Variants in HDHD5 observed in about 807,000 individuals in gnomAD.
HDHD5 encodes haloacid dehalogenase like hydrolase domain containing 5, also known as haloacid dehalogenase-like hydrolase domain-containing 5.
HDHD5 carries 34 observed loss-of-function variants against 35.5 expected under a neutral mutation model. The observed-to-expected ratio is 0.96, with a 90% CI of 0.73 to 1.28. The LOEUF (loss-of-function observed/expected upper bound fraction) is 1.28. Among genes scored for constraint, HDHD5 ranks in the 50% most tolerant of loss-of-function variants. The pLI, the probability that HDHD5 is intolerant of heterozygous loss-of-function variation, is 0.00. For synonymous variants in HDHD5, 248 were observed against 240.6 expected (o/e 1.03, Z -0.29); for missense variants, 589 against 560.2 (o/e 1.05, Z -0.52).
Position 17,159,161 on chromosome 22 carries a change from G to A in HDHD5, c.91C>T (p.Pro31Ser). Reference protein sequence around the residue: ...ARAAAGLQGRPARRCYAVGPA... With the variant: ...ARAAAGLQGRSARRCYAVGPA... The stretch of plus-strand genomic sequence containing the variant: ...CCCACAGCATAGCACCTGCGGGCGG[G>A]GCGGCCCTGGAGCCCCGCAGCCGCG... The change falls in exon 1 of 8, where the codon CCC becomes TCC. Residue 31 changes from proline (P) to serine (S), a missense_variant. Transcript: ENST00000336737. The A allele has an allele frequency of 1.6e-6, 2 of 1,221,434 alleles. No homozygotes were observed. Among genetic ancestry groups the A allele is most frequent in the South Asian group, 8.2e-5 (2 of 24,434 alleles). The allele number at this position is 1,221,434 out of a possible 1,614,324, so 75.7% of individuals were successfully genotyped here.
chr22:17,142,966 G>C, intron 5 of HDHD5, 132 bp downstream of exon 5: 2 of 850,070 alleles, frequency 2.4e-6, no homozygotes, highest in East Asian at 2.8e-5. Flanking sequence ...ATCCAGACCA[G>C]AGCCCAGGTG....
chr22:17,148,408 T>C, intron 3 of HDHD5, 40 bp downstream of exon 3: 2 of 1,527,434 alleles, frequency 1.3e-6, no homozygotes, highest in Non-Finnish European at 1.8e-6. Flanking sequence ...ACCTCAGCCC[T>C]GCCCCTTCCC....
rs2061839595 is a variant in HDHD5 at position 17,159,186 on chromosome 22, G to C, written c.66C>G (p.Arg22=). The C allele has an allele frequency of 8.2e-7, 1 of 1,213,856 alleles. No homozygotes were observed. Among genetic ancestry groups the C allele is most frequent in the African/African-American group, 1.6e-5 (1 of 63,236 alleles). The allele number at this position is 1,213,856 out of a possible 1,614,324, so 75.2% of individuals were successfully genotyped here. ...AARGLCWRAA[R]AAAGLQGRPA... Reference sequence around the variant, plus strand: ...GGCGGCCCTGGAGCCCCGCAGCCGCGCGCGCCGCCCGCCAGCAAAGCCCAC... The same window carrying C: ...GGCGGCCCTGGAGCCCCGCAGCCGCCCGCGCCGCCCGCCAGCAAAGCCCAC... Residue 22 remains arginine (R), a synonymous_variant, in exon 1 of 8, where the codon CGC becomes CGG. Transcript: ENST00000336737.
intron 1 of HDHD5, among the ~76,000 whole-genome samples, chr22:17,156,639 G>C (rs1270327482): frequency 1.3e-5 from 2 of 152,096 alleles, no homozygotes; most frequent in Non-Finnish European, 2.9e-5. Context: ...AGCCAGGCGT[G>C]GTGGCAGGCA....
upstream of HDHD5, among the ~76,000 whole-genome samples, chr22:17,163,957 T>C (rs1307284154): frequency 6.6e-6 from 1 of 152,246 alleles, no homozygotes; most frequent in African/African-American, 2.4e-5. Flanking sequence ...CCAGGCACGG[T>C]GGCCTGTAAT....
At chr22:17,138,440 G>C (rs2061560251) in intron 7 of HDHD5, 83 bp from the exon 8 acceptor site, 12 of 1,552,658 alleles carry the variant, frequency 7.7e-6, no homozygotes, top group Non-Finnish European at 1.0e-5. Flanking sequence ...GCAGAGAAGA[G>C]TTTCGGGGCA....
upstream of HDHD5, among the ~76,000 whole-genome samples, chr22:17,161,366 CTGG>C (rs2061862836): frequency 6.6e-6 from 1 of 151,702 alleles, no homozygotes; most frequent in Non-Finnish European, 1.5e-5. Flanking sequence ...CGTGACCAGC[CTGG>C]CCAACATGGT....
chr22:17,137,915 G>T lies in HDHD5; in HGVS notation c.*106C>A. On this transcript the variant is annotated 3_prime_UTR_variant, in exon 8 of 8. Coordinates refer to ENST00000336737, the MANE Select transcript of HDHD5 (RefSeq NM_033070.3). ...CACTCATGGGGCAGCAAGAAGGGTG[G>T]CAAGGGAACCAAGCCCTGACCTGAG... The T allele has an allele frequency of 1.1e-6, 1 of 878,190 alleles. No individual in the cohort carries two copies. The highest frequency in any genetic ancestry group is 1.7e-6 in the Non-Finnish European group (1 of 576,810). The allele number at this position is 878,190 out of a possible 1,614,324, so 54.4% of individuals were successfully genotyped here.
upstream of HDHD5, among the ~76,000 whole-genome samples, chr22:17,161,245 CA>C (rs574657476): frequency 1.7e-3 from 183 of 105,296 alleles, no homozygotes; most frequent in Middle Eastern, 6.0e-3. Context: ...GACTCTATCT[CA>C]AAAAAAAAAA....
chr22:17,147,392 C>T (rs35178380), intron 3 of HDHD5, among the ~76,000 whole-genome samples: 1 of 124,918 alleles, frequency 8.0e-6, no homozygotes. Context: ...CGATCACATG[C>T]CATCGCACAC....
chr22:17,141,677 C>T, intron 5 of HDHD5: 1 of 938,972 alleles, frequency 1.1e-6, no homozygotes, highest in African/African-American at 1.8e-5. Context: ...GAAACCCAAC[C>T]TGGACTCCAC....
chr22:17,162,845 T>G (rs1368719584), upstream of HDHD5, among the ~76,000 whole-genome samples: 2 of 152,236 alleles, frequency 1.3e-5, no homozygotes, highest in Non-Finnish European at 2.9e-5. Context: ...GGAGCACATA[T>G]TCTGCCACCC....
chr22:17,162,371 G>A (rs1425127169), upstream of HDHD5, among the ~76,000 whole-genome samples: 1 of 152,218 alleles, frequency 6.6e-6, no homozygotes, highest in Admixed American at 6.5e-5. Flanking sequence ...TAATATTCTT[G>A]GTGATCAGGA....
rs1325316285 is a variant in HDHD5 at position 17,138,263 on chromosome 22, C to G, written c.1030G>C (p.Gly344Arg). 1 of 1,614,204 alleles carries G rather than the reference C, an allele frequency of 6.2e-7. No homozygotes were observed. The highest frequency in any genetic ancestry group is 1.7e-5 in the Admixed American group (1 of 60,034). The change falls in exon 8 of 8, where the codon GGC (glycine) becomes CGC (arginine). Residue 344 changes from glycine to arginine, a missense_variant. Physicochemically the swap from Gly to Arg is moderately radical, Grantham distance 125. Coordinates refer to ENST00000336737, the MANE Select transcript of HDHD5 (RefSeq NM_033070.3). ...HDGAPELGAG[G>R]TRQQQPSASQ... is the part of the protein sequence containing the mutation. ...GCTGAGGGCTGTTGCTGCCGTGTGCCCCCGGCCCCTAGTTCTGGCGCCCCA... is the reference window on the plus strand; with the variant it reads ...GCTGAGGGCTGTTGCTGCCGTGTGCGCCCGGCCCCTAGTTCTGGCGCCCCA...
At chr22:17,141,288 C>T in intron 5 of HDHD5, 55 bp from the exon 6 acceptor site, 1 of 1,539,452 alleles carries the variant, frequency 6.5e-7, no homozygotes, top group East Asian at 2.5e-5. Flanking sequence ...AGGCGGCAGG[C>T]CCTCAGGATG....
intron 3 of HDHD5, among the ~76,000 whole-genome samples, chr22:17,145,563 G>A (rs1265699163): frequency 3.3e-5 from 5 of 152,120 alleles, no homozygotes; most frequent in African/African-American, 1.2e-4. Flanking sequence ...TAGGCATGGT[G>A]GTGCACACCT....
chr22:17,138,818 C>T lies in HDHD5; in HGVS notation c.747-80G>A, dbSNP rs576892170. 38 of 1,509,084 alleles carry T rather than the reference C, an allele frequency of 2.5e-5. No homozygotes were observed. The African/African-American group carries it at 4.5e-4, about 18-fold the overall frequency. 93.5% of individuals were successfully genotyped at this position (1,509,084 alleles called of 1,614,324 possible). ...GAGAACACGACTGCCACTGTCTAAG[C>T]AGCAAACACACAGACCAGCCTTTTC... On this transcript the variant is annotated intron_variant, in intron 6 of 7. Transcript: ENST00000336737.
chr22:17,159,432 G>A (rs374890130), upstream of HDHD5: 293 of 661,360 alleles, frequency 4.4e-4, 3 homozygotes, highest in South Asian at 4.1e-3. Flanking sequence ...TCCGTTGCAA[G>A]GAAGAAGTGC....
chr22:17,154,861 G>C (rs1436717512), intron 1 of HDHD5, among the ~76,000 whole-genome samples: 1 of 151,674 alleles, frequency 6.6e-6, no homozygotes, highest in Admixed American at 6.6e-5. Context: ...GAACTCCTGG[G>C]CTCAAGTAAT....
Sources: allele counts gnomAD v4.1 joint callset (sites outside exome capture counted in the v4.1 genomes callset), GRCh38; gene constraint gnomAD v4.1.1; transcripts MANE v1.5; gene names NCBI Gene and HGNC (gene_info 2026-07-23, HGNC 2026-07-21).